The following SNTG2 variants were observed in gnomAD, a reference collection of about 807,000 sequenced individuals.
SNTG2 encodes the protein gamma-2-syntrophin.
Under a neutral mutation model 70.9 loss-of-function variants are expected in SNTG2, and 74 were observed. That is an observed-to-expected ratio of 1.04 (90% confidence interval 0.86 to 1.27). The LOEUF is 1.27. Among genes scored for constraint, SNTG2 ranks in the 50% most tolerant of loss-of-function variants. The pLI, the probability that SNTG2 is intolerant of heterozygous loss-of-function variation, is 0.00. For missense variants in SNTG2, 717 were observed against 690.7 expected, an observed-to-expected ratio of 1.04 and a Z score of -0.43; for synonymous variants, 278 against 273.8, an observed-to-expected ratio of 1.02 and a Z score of -0.15.
intron 8 of SNTG2, among the ~76,000 whole-genome samples, chr2:1,193,442 T>C (rs1420630661): frequency 6.6e-6 from 1 of 152,204 alleles, no homozygotes. Context: ...TGTTTGATTG[T>C]TCCCTTGTCT....
intron 4 of SNTG2, among the ~76,000 whole-genome samples, chr2:1,132,291 A>G (rs757707643): frequency 3.8e-4 from 57 of 151,982 alleles, no homozygotes; most frequent in Non-Finnish European, 7.5e-4. Context: ...GCACAGGTTG[A>G]TAGGTTTGAC....
At chr2:1,100,063 GAT>G (rs1665682665) in intron 4 of SNTG2, among the ~76,000 whole-genome samples, 1 of 152,160 alleles carries the variant, frequency 6.6e-6, no homozygotes, top group Non-Finnish European at 1.5e-5. Context: ...ATTTAAGTGT[GAT>G]AAGAAATACA....
In SNTG2 at chr2:1,235,699, A is replaced by G. The variant is rs557238607; in HGVS notation, c.720-2189A>G. 5.9e-5 allele frequency among the ~76,000 whole-genome samples: 9 copies of G among 152,276 alleles called. 2 individuals carry two copies. In the South Asian group the frequency reaches 1.5e-3, roughly 25 times the overall value. On this transcript the variant is annotated intron_variant, in intron 9 of 16. Transcript: ENST00000308624. Reference sequence around the variant, plus strand: ...AGGATCCCTGCAGGCCCCCTAGTCTAGCTGGATCCAGGAAAAGCTGCCCCT... The same window carrying G: ...AGGATCCCTGCAGGCCCCCTAGTCTGGCTGGATCCAGGAAAAGCTGCCCCT...
At chr2:1,308,324 G>T (rs1680805040) in intron 14 of SNTG2, among the ~76,000 whole-genome samples, 170 bp from the exon 15 acceptor site, 1 of 152,146 alleles carries the variant, frequency 6.6e-6, no homozygotes, top group South Asian at 2.1e-4. Context: ...GTATGCAGTT[G>T]TTCCTGTGGG....
chr2:1,192,608 C>A lies in SNTG2; in HGVS notation c.592-16495C>A, dbSNP rs780482598. Among the ~76,000 whole-genome samples the A allele has an allele frequency of 5.2e-4, 79 of 152,102 alleles. 1 individual carries two copies. The highest frequency in any genetic ancestry group is 4.2e-4 in the South Asian group (2 of 4,800). On this transcript the variant is annotated intron_variant, in intron 8 of 16. Coordinates refer to ENST00000308624, the MANE Select transcript of SNTG2 (RefSeq NM_018968.4). Reference sequence around the variant, plus strand: ...CTCCATCTCAAATAATAATAATAATCATCATCATCTGGTTGGAACAATGTG... The same window carrying A: ...CTCCATCTCAAATAATAATAATAATAATCATCATCTGGTTGGAACAATGTG...
At chr2:1,072,515 G>T (rs1323471035) in intron 1 of SNTG2, among the ~76,000 whole-genome samples, 8 of 150,738 alleles carry the variant, frequency 5.3e-5, no homozygotes, top group African/African-American at 1.9e-4. Context: ...GATCCACTGA[G>T]ACAAAAAGAA....
intron 14 of SNTG2, among the ~76,000 whole-genome samples, chr2:1,284,947 A>G (rs891216109): frequency 2.6e-5 from 4 of 151,026 alleles, no homozygotes; most frequent in Non-Finnish European, 5.9e-5. Flanking sequence ...TTACAACTCT[A>G]TATAAATATA....
intron 4 of SNTG2, among the ~76,000 whole-genome samples, chr2:1,117,145 G>C (rs1445358962): frequency 6.6e-6 from 1 of 152,006 alleles, no homozygotes; most frequent in African/African-American, 2.4e-5. Context: ...TGGTGCGTGG[G>C]TGCTTTGCTG....
intron 4 of SNTG2, among the ~76,000 whole-genome samples, chr2:1,123,280 T>G (rs1174965535): frequency 1.3e-5 from 2 of 151,866 alleles, no homozygotes; most frequent in Non-Finnish European, 2.9e-5. Context: ...AAAAAAAAAG[T>G]TGGAGGCATC....
intron 9 of SNTG2, among the ~76,000 whole-genome samples, chr2:1,212,747 T>G (rs1674127983): frequency 6.6e-6 from 1 of 152,196 alleles, no homozygotes; most frequent in Non-Finnish European, 1.5e-5. Context: ...ACCTGTAAGC[T>G]CCTCAGGTCT....
chr2:1,337,066 G>T (rs1012501010), intron 16 of SNTG2, among the ~76,000 whole-genome samples: 1 of 151,778 alleles, frequency 6.6e-6, no homozygotes, highest in African/African-American at 2.4e-5. Context: ...TTCTTTTTTA[G>T]GTTGAATAAT....
chr2:1,167,610 G>A (rs1383826817), intron 7 of SNTG2, among the ~76,000 whole-genome samples: 2 of 121,666 alleles, frequency 1.6e-5, no homozygotes, highest in Non-Finnish European at 3.4e-5. Flanking sequence ...ACAGACGGCA[G>A]AACTGAAGCC....
intron 8 of SNTG2, among the ~76,000 whole-genome samples, chr2:1,189,343 C>A (rs151260363): frequency 6.6e-6 from 1 of 151,646 alleles, no homozygotes; most frequent in South Asian, 2.1e-4. Flanking sequence ...CAATATATAT[C>A]GTATGAGGAT....
intron 1 of SNTG2, among the ~76,000 whole-genome samples, chr2:1,001,540 T>C (rs1358282920): frequency 6.6e-6 from 1 of 151,920 alleles, no homozygotes; most frequent in Non-Finnish European, 1.5e-5. Flanking sequence ...GTAAAATACC[T>C]AGGATTATAT....
At chr2:1,359,194 T>C (rs1661011555) in intron 16 of SNTG2, among the ~76,000 whole-genome samples, 1 of 152,168 alleles carries the variant, frequency 6.6e-6, no homozygotes, top group East Asian at 1.9e-4. Context: ...ATATAGTATT[T>C]TTAAAATTTT....
intron 12 of SNTG2, among the ~76,000 whole-genome samples, chr2:1,254,379 T>C (rs1677930256): frequency 6.6e-6 from 1 of 152,232 alleles, no homozygotes; most frequent in African/African-American, 2.4e-5. Context: ...CATTAGAATC[T>C]GAAAGATGTT....
At chr2:1,203,302 A>G (rs1412446025) in intron 8 of SNTG2, among the ~76,000 whole-genome samples, 1 of 152,184 alleles carries the variant, frequency 6.6e-6, no homozygotes, top group Admixed American at 6.5e-5. Context: ...TGAATCCCAG[A>G]TAACTCTGTG....
intron 14 of SNTG2, 29 bp downstream of exon 14, chr2:1,267,600 C>G (rs372461005): frequency 6.3e-7 from 1 of 1,594,414 alleles, no homozygotes; most frequent in African/African-American, 1.3e-5. Context: ...CTCTTCTCAC[C>G]TACACCTGCT....
chr2:1,268,579 TG>T (rs1678868939), intron 14 of SNTG2, among the ~76,000 whole-genome samples: 1 of 152,202 alleles, frequency 6.6e-6, no homozygotes, highest in Admixed American at 6.5e-5. Context: ...CACCCTAAAT[TG>T]GAATTATGGT....
Sources: allele counts gnomAD v4.1 joint callset (sites outside exome capture counted in the v4.1 genomes callset), GRCh38; gene constraint gnomAD v4.1.1; transcripts MANE v1.5; gene names NCBI Gene and HGNC (gene_info 2026-07-23, HGNC 2026-07-21).